CNTN1: variants seen among roughly 807,000 people sequenced by gnomAD.
CNTN1 encodes the protein contactin-1.
A neutral mutation model predicts 126.4 loss-of-function variants in CNTN1; 38 were observed. The observed-to-expected ratio is 0.30, with a 90% CI of 0.23 to 0.39. CNTN1 has a LOEUF of 0.39. Among genes scored for constraint, CNTN1 ranks in the 10% least tolerant of loss-of-function variants. CNTN1 has a pLI of 1.00. For missense variants in CNTN1, 1,009 were observed against 1,248.4 expected, an observed-to-expected ratio of 0.81 and a Z score of 2.89; for synonymous variants, 413 against 422.6, an observed-to-expected ratio of 0.98 and a Z score of 0.28.
intron 17 of CNTN1, among the ~76,000 whole-genome samples, chr12:41,003,901 A>G (rs997537967): frequency 1.3e-5 from 2 of 151,784 alleles, no homozygotes; most frequent in African/African-American, 4.8e-5. Flanking sequence ...CAGCTCCTAG[A>G]TTTGTTAATC....
rs1946123644 is a variant in CNTN1, at chr12:40,937,570, T to A, written c.1111T>A (p.Tyr371Asn). 1 of 1,548,010 alleles carries A rather than the reference T, an allele frequency of 6.5e-7. No homozygotes were observed. The highest frequency in any genetic ancestry group is 1.1e-5 in the South Asian group (1 of 89,792). Residue 371 changes from tyrosine (Y) to asparagine (N), a missense_variant and splice_region_variant, in exon 11 of 24, where the codon TAT becomes AAT. Tyr to Asn is a moderately radical substitution (Grantham distance 143). Transcript: ENST00000551295. Reference sequence around the variant, plus strand: ...TATGTTTCAATTTTATTCTTTTCAGTATCATAAAGGGGAATTAAGACTGTA... The same window carrying A: ...TATGTTTCAATTTTATTCTTTTCAGAATCATAAAGGGGAATTAAGACTGTA... ...TIRWLKNGYAYHKGELRLYDV... is the reference protein window; with the variant it reads ...TIRWLKNGYANHKGELRLYDV...
intron 1 of CNTN1, among the ~76,000 whole-genome samples, chr12:40,813,059 CTT>C (rs1565773228): frequency 8.6e-5 from 9 of 104,792 alleles, no homozygotes; most frequent in African/African-American, 3.8e-4. Context: ...TTCTTTCTTT[CTT>C]CCTTCCTTCC....
rs921854448 is a variant in CNTN1, at chr12:40,993,042, T to C, written c.1964-78T>C. ...GTAATATATACCATTCTCCCTGAAA[T>C]AGTAAAATAAAAAGGGAAGTTATAA... is the stretch of plus-strand genomic sequence containing the variant. On this transcript the variant is annotated intron_variant, in intron 16 of 23. Transcript: ENST00000551295. 9.9e-6 allele frequency: 13 copies of C among 1,315,680 alleles called. No individual in the cohort carries two copies. In the Admixed American group the frequency reaches 1.0e-4, roughly 10 times the overall value. The allele number at this position is 1,315,680 out of a possible 1,614,324, so 81.5% of individuals were successfully genotyped here.
chr12:40,865,895 T>C (rs1346464008), intron 1 of CNTN1, among the ~76,000 whole-genome samples: 1 of 152,074 alleles, frequency 6.6e-6, no homozygotes, highest in East Asian at 1.9e-4. Context: ...ATTCAATCTG[T>C]AGAATACTCT....
Position 40,830,056 on chromosome 12 carries a change from A to G in CNTN1, c.-76-78301A>G, listed in dbSNP as rs1343385917. Among the ~76,000 whole-genome samples the G allele has an allele frequency of 1.4e-4, 22 of 152,140 alleles. 1 individual carries two copies. Among genetic ancestry groups the G allele is most frequent in the Admixed American group, 1.4e-3 (22 of 15,258 alleles). ...AGAATTAATGGCCTAACAAGGGGAG[A>G]GTGTATAAACAAAGGGATTCAAGAA... On this transcript the variant is annotated intron_variant, in intron 1 of 23. Coordinates refer to ENST00000551295, the MANE Select transcript of CNTN1 (RefSeq NM_001843.4).
At chr12:40,830,571 C>T (rs995187221) in intron 1 of CNTN1, among the ~76,000 whole-genome samples, 1 of 150,772 alleles carries the variant, frequency 6.6e-6, no homozygotes, top group Non-Finnish European at 1.5e-5. Flanking sequence ...TCTGAAGTAA[C>T]AGGTTTACTA....
At chr12:40,949,064 A>C (rs1261863803) in intron 14 of CNTN1, among the ~76,000 whole-genome samples, 3 of 147,734 alleles carry the variant, frequency 2.0e-5, no homozygotes, top group Admixed American at 7.6e-5. Context: ...AAATTTTATT[A>C]AACATATCAA....
chr12:40,811,013 T>A (rs1011144568), intron 1 of CNTN1, among the ~76,000 whole-genome samples: 1 of 152,114 alleles, frequency 6.6e-6, no homozygotes, highest in South Asian at 2.1e-4. Flanking sequence ...TAAAAATAAA[T>A]AACAAATAAA....
At chr12:40,804,095 T>C (rs908324706) in intron 1 of CNTN1, among the ~76,000 whole-genome samples, 2 of 152,000 alleles carry the variant, frequency 1.3e-5, no homozygotes, top group Non-Finnish European at 2.9e-5. Context: ...AATGTGACTC[T>C]CATTAAATGA....
At chr12:40,929,133 A>G (rs1945794483) in intron 6 of CNTN1, among the ~76,000 whole-genome samples, 1 of 152,012 alleles carries the variant, frequency 6.6e-6, no homozygotes, top group Non-Finnish European at 1.5e-5. Flanking sequence ...GAAATGCAGC[A>G]AATTAAGGAG....
intron 1 of CNTN1, among the ~76,000 whole-genome samples, chr12:40,860,323 A>G (rs1943072180): frequency 6.6e-6 from 1 of 152,112 alleles, no homozygotes; most frequent in Non-Finnish European, 1.5e-5. Flanking sequence ...AATATGTGTG[A>G]TGTCTTCTTT....
chr12:41,001,717 G>A (rs745861802), intron 17 of CNTN1, among the ~76,000 whole-genome samples: 1 of 151,994 alleles, frequency 6.6e-6, no homozygotes. Flanking sequence ...GTCCTGACTG[G>A]TATTGCCTAA....
intron 1 of CNTN1, among the ~76,000 whole-genome samples, chr12:40,824,659 TGTA>T (rs1216151258): frequency 6.6e-6 from 1 of 152,134 alleles, no homozygotes. Flanking sequence ...CTGATGCTCT[TGTA>T]GTACAAATGG....
At chr12:41,056,003 A>T (rs1293333046) in intron 23 of CNTN1, among the ~76,000 whole-genome samples, 1 of 152,066 alleles carries the variant, frequency 6.6e-6, no homozygotes. Context: ...CCCGGCTTGG[A>T]TTAAGTGGTA....
intron 1 of CNTN1, among the ~76,000 whole-genome samples, chr12:40,843,776 G>A (rs540849518): frequency 6.6e-6 from 1 of 152,102 alleles, no homozygotes; most frequent in Non-Finnish European, 1.5e-5. Flanking sequence ...GTTGGGCCTG[G>A]TTTGTATCAT....
chr12:40,868,636 G>C (rs146692723), intron 1 of CNTN1, among the ~76,000 whole-genome samples: 1 of 152,004 alleles, frequency 6.6e-6, no homozygotes, highest in African/African-American at 2.4e-5. Flanking sequence ...TGCCCTCTTT[G>C]CTCCTCTTGA....
chr12:40,908,632 G>T, intron 2 of CNTN1, 139 bp downstream of exon 2: 1 of 585,364 alleles, frequency 1.7e-6, no homozygotes, highest in African/African-American at 1.9e-5. Flanking sequence ...ATGTATCAAG[G>T]GTGACCCTAT....
intron 21 of CNTN1, among the ~76,000 whole-genome samples, chr12:41,027,050 T>A (rs900426783): frequency 1.2e-4 from 19 of 152,218 alleles, no homozygotes; most frequent in African/African-American, 4.3e-4. Flanking sequence ...TTGTGCCATT[T>A]GCTGACGATG....
At chr12:40,908,194 A>G (rs993987579) in intron 1 of CNTN1, among the ~76,000 whole-genome samples, 163 bp from the exon 2 acceptor site, 6 of 152,206 alleles carry the variant, frequency 3.9e-5, no homozygotes, top group African/African-American at 1.4e-4. Context: ...AACTTATTCT[A>G]CAAACGAAAA....
Sources: allele counts gnomAD v4.1 joint callset (sites outside exome capture counted in the v4.1 genomes callset), GRCh38; gene constraint gnomAD v4.1.1; transcripts MANE v1.5; gene names NCBI Gene and HGNC (gene_info 2026-07-23, HGNC 2026-07-21).